Variants in TUB observed in about 807,000 individuals in gnomAD.
TUB encodes the protein tubby protein homolog.
In TUB, 33 loss-of-function variants were observed where a neutral mutation model predicts 59.7. That is an observed-to-expected ratio of 0.55 (90% CI 0.42 to 0.74). TUB has a LOEUF of 0.74. Among genes scored for constraint, TUB ranks in the 30% least tolerant of loss-of-function variants. TUB has a pLI of 0.00. For missense variants in TUB, 659 were observed against 672.0 expected, an observed-to-expected ratio of 0.98 and a Z score of 0.21; for synonymous variants, 293 against 256.4, an observed-to-expected ratio of 1.14 and a Z score of -1.36.
At chr11:8,100,171 A>G (rs543418321) in intron 9 of TUB, among the ~76,000 whole-genome samples, 15 of 152,210 alleles carry the variant, frequency 9.9e-5, no homozygotes, top group African/African-American at 4.8e-5. Flanking sequence ...AAGTCTGGGT[A>G]TAATTGGAAG....
At chr11:8,024,164 A>T (rs1366785492) in intron 1 of TUB, among the ~76,000 whole-genome samples, 1 of 152,248 alleles carries the variant, frequency 6.6e-6, no homozygotes, top group South Asian at 2.1e-4. Context: ...CTTGTATTAC[A>T]TGGTAGATTA....
intron 1 of TUB, among the ~76,000 whole-genome samples, chr11:8,028,249 T>G (rs1589919544): frequency 6.6e-6 from 1 of 152,256 alleles, no homozygotes; most frequent in East Asian, 1.9e-4. Flanking sequence ...CATTTATGTC[T>G]TAGAGAAATG....
intron 2 of TUB, among the ~76,000 whole-genome samples, chr11:8,069,997 G>A (rs1054774878): frequency 6.6e-5 from 10 of 152,328 alleles, no homozygotes; most frequent in Non-Finnish European, 1.0e-4. Flanking sequence ...ATGCTCTCAC[G>A]GGAAAATGGA....
rs73396764 is a variant in TUB at position 8,064,609 on chromosome 11, C to T, written c.203+24917C>T. 6.4e-3 allele frequency among the ~76,000 whole-genome samples: 971 copies of T among 152,156 alleles called. 11 individuals are homozygous for T. The highest frequency in any genetic ancestry group is 0.022 in the African/African-American group (900 of 41,484). ...AAAGGAGACTGTTAGGGAACTTTGA[C>T]GTAAGTGGGGTCGAAGACTGTGGCC... is the stretch of plus-strand genomic sequence containing the variant. On this transcript the variant is annotated intron_variant, in intron 2 of 12. Coordinates refer to the TUB transcript ENST00000305253.
intron 6 of TUB, 69 bp downstream of exon 6, chr11:8,096,875 G>A (rs2133873806): frequency 3.8e-6 from 6 of 1,558,522 alleles, no homozygotes; most frequent in Non-Finnish European, 5.3e-6. Flanking sequence ...TGGACTGCAT[G>A]TGAAGAGATG....
At chr11:8,038,742 G>A (rs977573805) in exon 1 of TUB, 34 of 1,500,174 alleles carry the variant, frequency 2.3e-5, no homozygotes, top group Middle Eastern at 2.1e-4. Flanking sequence ...CTGTTGCCAC[G>A]GTGATGAAGG....
intron 2 of TUB, among the ~76,000 whole-genome samples, chr11:8,075,361 T>C (rs1047370336): frequency 4.6e-5 from 7 of 152,222 alleles, no homozygotes; most frequent in African/African-American, 1.2e-4. Flanking sequence ...TGAATCTGAA[T>C]TTGAACTCTA....
rs369302620 is a variant in TUB at position 8,074,328 on chromosome 11, C to G, written c.204-15282C>G. 3.9e-5 allele frequency among the ~76,000 whole-genome samples: 6 copies of G among 152,244 alleles called. No individual in the cohort carries two copies. In the East Asian group the frequency reaches 1.2e-3, roughly 29 times the overall value. On this transcript the variant is annotated intron_variant, in intron 2 of 12. Transcript: ENST00000305253. Reference sequence around the variant, plus strand: ...GAGACACTGGACTGTGTCTCTCACTCTAGGCATCTTTGTATGAAACCACAT... The same window carrying G: ...GAGACACTGGACTGTGTCTCTCACTGTAGGCATCTTTGTATGAAACCACAT...
Position 8,101,388 on chromosome 11 carries a change from G to C in TUB, c.1388-98G>C, listed in dbSNP as rs1197411840. The C allele has an allele frequency of 3.4e-6, 5 of 1,467,022 alleles. No homozygotes were observed. The South Asian group carries it at 6.1e-5, about 18-fold the overall frequency. 90.9% of individuals were successfully genotyped at this position (1,467,022 alleles called of 1,614,324 possible). A position where few individuals can be genotyped will look rare whatever the true frequency, so the allele number is the denominator to read the frequency against. On this transcript the variant is annotated intron_variant, in intron 11 of 11. Coordinates refer to ENST00000299506, the MANE Select transcript of TUB (RefSeq NM_177972.3). ...CCCCTGGCATCTCTGCTTCTCACTT[G>C]TTCTTCCCTCATGTGGTTTGGGTGT... is the stretch of plus-strand genomic sequence containing the variant.
At position 8,101,856 on chromosome 11, in the gene TUB, G is replaced by GATACGGCAA; in HGVS notation, c.*237_*238insATACGGCAA. 2.9e-5 allele frequency: 14 copies of GATACGGCAA among 482,810 alleles called. No individual in the cohort carries two copies. The highest frequency in any genetic ancestry group is 1.1e-4 in the South Asian group (3 of 26,820). The allele number at this position is 482,810 out of a possible 1,614,324, so 29.9% of individuals were successfully genotyped here. The stretch of plus-strand genomic sequence containing the variant: ...AAGGGATGAGAATAATTCTTTCCAT[G>GATACGGCAA]CCACGAGATCAACACACACTCCCAC... On this transcript the variant is annotated 3_prime_UTR_variant, in exon 12 of 12. Transcript: ENST00000299506.
At chr11:8,031,732 C>T (rs775255438) in intron 1 of TUB, among the ~76,000 whole-genome samples, 2 of 152,208 alleles carry the variant, frequency 1.3e-5, no homozygotes, top group Admixed American at 6.5e-5. Context: ...TGGCAGTGGC[C>T]GCACCTGCGA....
intron 2 of TUB, among the ~76,000 whole-genome samples, chr11:8,063,097 A>C (rs1006915863): frequency 2.0e-5 from 3 of 152,104 alleles, no homozygotes; most frequent in Non-Finnish European, 4.4e-5. Flanking sequence ...GGGGACCCTC[A>C]CATCTGTCTC....
intron 2 of TUB, among the ~76,000 whole-genome samples, chr11:8,056,245 T>C (rs1236479136): frequency 2.0e-5 from 3 of 152,138 alleles, no homozygotes; most frequent in Admixed American, 6.5e-5. Flanking sequence ...GCTACCAGGA[T>C]GCCCCTCACT....
At position 8,071,749 on chromosome 11, in the gene TUB, G is replaced by A. The variant is rs144518389; in HGVS notation, c.204-17861G>A. Among the ~76,000 whole-genome samples the A allele has an allele frequency of 1.8e-3, 279 of 152,256 alleles. 3 individuals are homozygous for A. Among genetic ancestry groups the A allele is most frequent in the Admixed American group, 0.017 (254 of 15,300 alleles). ...TGACAGAGAGAGCTGGGGTGTGTGC[G>A]GTGCAGGGCCAGGAGGCTGGGGCCA... is the stretch of plus-strand genomic sequence containing the variant. On this transcript the variant is annotated intron_variant, in intron 2 of 12. Coordinates refer to the TUB transcript ENST00000305253.
chr11:8,066,785 T>C (rs751995935), intron 2 of TUB, among the ~76,000 whole-genome samples: 4 of 152,150 alleles, frequency 2.6e-5, no homozygotes, highest in Non-Finnish European at 4.4e-5. Context: ...TGGAAGCAGG[T>C]TGAAGAGTTG....
At chr11:8,045,696 G>C (rs1429565277) in intron 2 of TUB, among the ~76,000 whole-genome samples, 1 of 152,138 alleles carries the variant, frequency 6.6e-6, no homozygotes, top group African/African-American at 2.4e-5. Flanking sequence ...AAACACTTCT[G>C]GTCTCAGGCA....
chr11:8,050,164 G>A (rs79285724), intron 2 of TUB, among the ~76,000 whole-genome samples: 382 of 152,246 alleles, frequency 2.5e-3, no homozygotes, highest in African/African-American at 7.8e-3. Context: ...GTAGTTATAC[G>A]GTAGTTCATT....
chr11:8,058,996 T>C (rs942915098), intron 2 of TUB, among the ~76,000 whole-genome samples: 2 of 152,250 alleles, frequency 1.3e-5, no homozygotes, highest in African/African-American at 2.4e-5. Context: ...TGTTGTTAAA[T>C]GTCACTGTTA....
intron 1 of TUB, among the ~76,000 whole-genome samples, chr11:8,082,045 C>T (rs948571821): frequency 5.3e-5 from 8 of 152,202 alleles, no homozygotes; most frequent in African/African-American, 1.9e-4. Context: ...GGACATGCAC[C>T]CGTATATTCT....
Sources: allele counts gnomAD v4.1 joint callset (sites outside exome capture counted in the v4.1 genomes callset), GRCh38; gene constraint gnomAD v4.1.1; transcripts MANE v1.5; gene names NCBI Gene and HGNC (gene_info 2026-07-23, HGNC 2026-07-21).